HSPH1: variants seen among roughly 807,000 people sequenced by gnomAD.
HSPH1 encodes the protein heat shock protein 105 kDa.
Under a neutral mutation model 100.0 loss-of-function variants are expected in HSPH1, and 40 were observed. The observed-to-expected ratio is 0.40, with a 90% CI of 0.31 to 0.52. The LOEUF is 0.52. Ranked by LOEUF, HSPH1 falls within the 20% of genes least tolerant of loss-of-function variation. HSPH1 has a pLI of 0.54. For synonymous variants in HSPH1, 403 were observed against 344.0 expected, an observed-to-expected ratio of 1.17 and a Z score of -1.90; for missense variants, 876 against 1,015.1, an observed-to-expected ratio of 0.86 and a Z score of 1.86.
At chr13:31,144,107 G>T (rs995637716) in intron 11 of HSPH1, among the ~76,000 whole-genome samples, 184 bp from the exon 12 acceptor site, 2 of 152,066 alleles carry the variant, frequency 1.3e-5, no homozygotes, top group African/African-American at 4.8e-5. Flanking sequence ...TTCTAAACCT[G>T]TAAAAAAATT....
rs2137631509 is a variant in HSPH1 at position 31,154,899 on chromosome 13, G to A, written c.307-144C>T. The A allele has an allele frequency of 1.0e-5, 7 of 669,820 alleles. No individual in the cohort carries two copies. The East Asian group carries it at 1.7e-4, about 16-fold the overall frequency. 41.5% of individuals were successfully genotyped at this position (669,820 alleles called of 1,614,324 possible). A position where few individuals can be genotyped will look rare whatever the true frequency, so the allele number is the denominator to read the frequency against. On this transcript the variant is annotated intron_variant, in intron 3 of 17. Transcript: ENST00000320027. ...TTGTTTTGGGAAGAAGGAAGAAAAGGAGGAAAAAGGGAAGGGGAAGGAGGG... is the reference window on the plus strand; with the variant it reads ...TTGTTTTGGGAAGAAGGAAGAAAAGAAGGAAAAAGGGAAGGGGAAGGAGGG...
At chr13:31,153,534 A>C (rs1956563122) in intron 4 of HSPH1, among the ~76,000 whole-genome samples, 1 of 152,202 alleles carries the variant, frequency 6.6e-6, no homozygotes, top group Non-Finnish European at 1.5e-5. Flanking sequence ...CCAAGGGCTG[A>C]GGTTTCTTAC....
chr13:31,147,816 T>C, intron 10 of HSPH1, 143 bp downstream of exon 10: 2 of 691,358 alleles, frequency 2.9e-6, no homozygotes, highest in Non-Finnish European at 4.7e-6. Context: ...TCCATCACCA[T>C]TATTCTAAAC....
chr13:31,155,058 G>C (rs1282591099), intron 3 of HSPH1, among the ~76,000 whole-genome samples: 2 of 152,128 alleles, frequency 1.3e-5, no homozygotes, highest in African/African-American at 4.8e-5. Flanking sequence ...AAAGAAGGTA[G>C]TAAATTTCCA....
intron 5 of HSPH1, chr13:31,152,597 C>A: frequency 7.7e-6 from 2 of 259,476 alleles, no homozygotes; most frequent in East Asian, 1.8e-4. Context: ...TGTAAGGAAA[C>A]AAAGCTAAAT....
chr13:31,149,508 G>A (rs1463998582), intron 8 of HSPH1, among the ~76,000 whole-genome samples: 1 of 152,106 alleles, frequency 6.6e-6, no homozygotes, highest in Admixed American at 6.5e-5. Context: ...TATCTGATAA[G>A]CAGATTAAAA....
chr13:31,158,702 A>T (rs1206074341), intron 2 of HSPH1, 104 bp downstream of exon 2: 3 of 718,564 alleles, frequency 4.2e-6, no homozygotes, highest in Non-Finnish European at 7.5e-6. Flanking sequence ...AAACTCAAAA[A>T]TACATAAACT....
chr13:31,154,767 G>A lies in HSPH1; in HGVS notation c.307-12C>T, dbSNP rs917319366. 4.4e-6 allele frequency: 7 copies of A among 1,602,794 alleles called. No homozygotes were observed. The highest frequency in any genetic ancestry group is 1.3e-5 in the African/African-American group (1 of 74,190). Reference sequence around the variant, plus strand: ...CCCATGTACATTACCTATATTGAAGGGAAAAAATGTTTTAAACATTGTAGT... The same window carrying A: ...CCCATGTACATTACCTATATTGAAGAGAAAAAATGTTTTAAACATTGTAGT... On this transcript the variant is annotated splice_polypyrimidine_tract_variant and intron_variant, in intron 3 of 17. Coordinates refer to ENST00000320027, the MANE Select transcript of HSPH1 (RefSeq NM_006644.4).
At chr13:31,149,292 C>A (rs1408056916) in intron 8 of HSPH1, among the ~76,000 whole-genome samples, 1 of 152,068 alleles carries the variant, frequency 6.6e-6, no homozygotes, top group Non-Finnish European at 1.5e-5. Context: ...ACTCTAAATA[C>A]CTTTGTTTAC....
In HSPH1 at chr13:31,161,737, C is replaced by T. The variant is rs372617953; in HGVS notation, c.-155G>A. The T allele has an allele frequency of 1.3e-6, 2 of 1,532,258 alleles. No homozygotes were observed. The highest frequency in any genetic ancestry group is 2.0e-5 in the Admixed American group (1 of 50,934). 94.9% of individuals were successfully genotyped at this position (1,532,258 alleles called of 1,614,324 possible). ...GACACTCAGAAGGACACACAGACAG[C>T]CGCGGCCTGTCAGGAGCCTCCTACT... On this transcript the variant is annotated 5_prime_UTR_variant, in exon 1 of 18. Coordinates refer to ENST00000320027, the MANE Select transcript of HSPH1 (RefSeq NM_006644.4).
chr13:31,138,877 A>C lies in HSPH1; in HGVS notation c.2112T>G (p.Val704=). ...ELMKIGTPVK[V]RFQEAEERPK... ...GCCGTTCTTCAGCTTCCTGAAACCG[A>C]ACTTTAACTGGAGTGCCAATTTTCT... is the stretch of plus-strand genomic sequence containing the variant. The change falls in exon 16 of 18, where the codon GTT becomes GTG. Residue 704 remains valine (V), a synonymous_variant. Coordinates refer to ENST00000320027, the MANE Select transcript of HSPH1 (RefSeq NM_006644.4). 6.2e-7 allele frequency: 1 copy of C among 1,608,292 alleles called. No homozygotes were observed. Among genetic ancestry groups the C allele is most frequent in the Non-Finnish European group, 8.5e-7 (1 of 1,177,170 alleles).
intron 12 of HSPH1, 56 bp downstream of exon 12, chr13:31,143,736 T>C (rs2137561561): frequency 6.9e-7 from 1 of 1,451,268 alleles, no homozygotes; most frequent in African/African-American, 1.4e-5. Flanking sequence ...AATGATATCA[T>C]TAATGATTAC....
At chr13:31,149,862 C>CA in intron 8 of HSPH1, 92 bp downstream of exon 8, 1 of 987,478 alleles carries the variant, frequency 1.0e-6, no homozygotes, top group Non-Finnish European at 1.6e-6. Context: ...GCTACCTAGA[C>CA]ACAGGTCTCT....
At chr13:31,155,733 C>T (rs1956662694) in intron 2 of HSPH1, 79 bp from the exon 3 acceptor site, 1 of 1,280,064 alleles carries the variant, frequency 7.8e-7, no homozygotes, top group Non-Finnish European at 1.1e-6. Context: ...TTTATTTATT[C>T]ACTTTACAAC....
chr13:31,137,430 T>A lies in HSPH1; in HGVS notation c.2465A>T (p.Asp822Val). The change falls in exon 18 of 18, where the codon GAT becomes GTT. Residue 822 changes from aspartate to valine, a missense_variant. Asp to Val is a radical substitution (Grantham distance 152). Transcript: ENST00000320027. ...LERTPNGPNI[D>V]KKEEDLEDKN... ...GTCTTCTAAATCTTCTTCCTTTTTA[T>A]CAATATTTGGGCCATTTGGAGTTCT... 1 of 1,613,614 alleles carries A rather than the reference T, an allele frequency of 6.2e-7. No homozygotes were observed. The highest frequency in any genetic ancestry group is 8.5e-7 in the Non-Finnish European group (1 of 1,179,650).
chr13:31,162,306 G>C (rs1956952859), upstream of HSPH1: 1 of 595,972 alleles, frequency 1.7e-6, no homozygotes, highest in South Asian at 2.0e-5. Flanking sequence ...TTTTTGCAGA[G>C]ACCCCAGACA....
chr13:31,158,464 G>A (rs1956778619), intron 2 of HSPH1, among the ~76,000 whole-genome samples: 1 of 147,976 alleles, frequency 6.8e-6, no homozygotes, highest in Non-Finnish European at 1.5e-5. Flanking sequence ...CAGGAGAATC[G>A]CTTTAACCCG....
Position 31,148,068 on chromosome 13 carries a change from G to A in HSPH1, c.1269C>T (p.Asn423=), listed in dbSNP as rs1956333810. ...TEGVHEVFSR[N]HAAPFSKVLT... is the part of the protein sequence containing the mutation. ...GAACTTTGGAGAAAGGAGCAGCATG[G>A]TTTCGACTAAAGACTTCATGAACAC... Residue 423 remains asparagine (N), a synonymous_variant, in exon 10 of 18, where the codon AAC becomes AAT. Transcript: ENST00000320027. 1 of 1,608,032 alleles carries A rather than the reference G, an allele frequency of 6.2e-7. No individual in the cohort carries two copies. The highest frequency in any genetic ancestry group is 2.2e-5 in the East Asian group (1 of 44,790).
chr13:31,161,815 C>A lies in HSPH1; in HGVS notation c.-233G>T. 9 of 1,480,164 alleles carry A rather than the reference C, an allele frequency of 6.1e-6. No individual in the cohort carries two copies. In the South Asian group the frequency reaches 1.0e-4, roughly 17 times the overall value. 91.7% of individuals were successfully genotyped at this position (1,480,164 alleles called of 1,614,324 possible). ...TAAGAAACCCTGGGAGAAAGCGGGG[C>A]TCAGCCTCCGCAGGTCGCTCCGCAC... On this transcript the variant is annotated 5_prime_UTR_variant, in exon 1 of 18. Coordinates refer to ENST00000320027, the MANE Select transcript of HSPH1 (RefSeq NM_006644.4).
Sources: allele counts gnomAD v4.1 joint callset (sites outside exome capture counted in the v4.1 genomes callset), GRCh38; gene constraint gnomAD v4.1.1; transcripts MANE v1.5; gene names NCBI Gene and HGNC (gene_info 2026-07-23, HGNC 2026-07-21).